Variants in CTIF observed in about 807,000 individuals in gnomAD.
CTIF encodes cap binding complex dependent translation initiation factor.
A neutral mutation model predicts 66.0 loss-of-function variants in CTIF; 21 were observed. The observed-to-expected ratio is 0.32, with a 90% CI of 0.23 to 0.46. The LOEUF (loss-of-function observed/expected upper bound fraction) is 0.46. Among genes scored for constraint, CTIF ranks in the 20% least tolerant of loss-of-function variants. CTIF has a pLI of 1.00. For synonymous variants in CTIF, 345 were observed against 326.4 expected, an observed-to-expected ratio of 1.06 and a Z score of -0.62; for missense variants, 739 against 812.7, an observed-to-expected ratio of 0.91 and a Z score of 1.10.
At chr18:48,783,542 C>T (rs1281282081) in intron 9 of CTIF, among the ~76,000 whole-genome samples, 2 of 152,176 alleles carry the variant, frequency 1.3e-5, no homozygotes, top group African/African-American at 4.8e-5. Flanking sequence ...CACTGAGGAG[C>T]CCGGGGATAA....
chr18:48,683,765 C>G (rs2091787906), intron 6 of CTIF, among the ~76,000 whole-genome samples: 1 of 152,128 alleles, frequency 6.6e-6, no homozygotes, highest in Non-Finnish European at 1.5e-5. Context: ...TGGAGTGTGT[C>G]TCTTTTGGAT....
intron 8 of CTIF, among the ~76,000 whole-genome samples, chr18:48,759,758 C>A (rs1288794086): frequency 6.6e-6 from 1 of 152,226 alleles, no homozygotes; most frequent in Non-Finnish European, 1.5e-5. Flanking sequence ...GACCACTGTT[C>A]CTGCCCTGGG....
chr18:48,576,939 G>T (rs186403983), intron 1 of CTIF, among the ~76,000 whole-genome samples: 1 of 152,300 alleles, frequency 6.6e-6, no homozygotes, highest in Non-Finnish European at 1.5e-5. Flanking sequence ...CTGCTTATGT[G>T]GAATATGTCC....
At chr18:48,817,485 AC>A in intron 10 of CTIF, 109 bp downstream of exon 10, 1 of 1,380,658 alleles carries the variant, frequency 7.2e-7, no homozygotes, top group South Asian at 1.4e-5. Flanking sequence ...TTAGAAAGGG[AC>A]CCATCCGGGC....
chr18:48,799,904 A>G (rs921183124), intron 9 of CTIF, among the ~76,000 whole-genome samples: 1 of 152,248 alleles, frequency 6.6e-6, no homozygotes, highest in Non-Finnish European at 1.5e-5. Flanking sequence ...TGAACGCATA[A>G]GCTTACAGGT....
intron 9 of CTIF, among the ~76,000 whole-genome samples, chr18:48,816,320 G>A (rs183119479): frequency 1.3e-3 from 205 of 152,342 alleles, no homozygotes; most frequent in Non-Finnish European, 2.6e-3. Context: ...ACAAGAGGTA[G>A]GGGAAATATC....
At chr18:48,772,692 T>C (rs560318821) in intron 9 of CTIF, among the ~76,000 whole-genome samples, 2 of 152,234 alleles carry the variant, frequency 1.3e-5, no homozygotes, top group Non-Finnish European at 2.9e-5. Context: ...TGACTAATAT[T>C]CCATTTTATG....
chr18:48,705,153 T>C (rs1456035283), intron 6 of CTIF, among the ~76,000 whole-genome samples: 1 of 152,220 alleles, frequency 6.6e-6, no homozygotes, highest in Admixed American at 6.5e-5. Context: ...GGGCACAGCC[T>C]GACCCATTGC....
chr18:48,729,935 T>A (rs1254442466), intron 7 of CTIF, among the ~76,000 whole-genome samples: 1 of 152,246 alleles, frequency 6.6e-6, no homozygotes, highest in East Asian at 1.9e-4. Flanking sequence ...TCCACCCAGA[T>A]GCCCTTCCCT....
intron 10 of CTIF, among the ~76,000 whole-genome samples, chr18:48,852,233 TAAAAAAAAAAAAAAA>T (rs10591389): frequency 4.5e-5 from 3 of 66,594 alleles, no homozygotes; most frequent in Admixed American, 2.4e-4. Flanking sequence ...GACCCTGTCT[TAAAAAAAAAAAAAAA>T]AAAAAAAAAA....
chr18:48,816,712 T>C (rs2068370986), intron 9 of CTIF, among the ~76,000 whole-genome samples: 1 of 152,230 alleles, frequency 6.6e-6, no homozygotes, highest in South Asian at 2.1e-4. Context: ...GGACGGGCTG[T>C]AGCTGTGTAG....
At chr18:48,852,981 C>T (rs1397009438) in intron 10 of CTIF, among the ~76,000 whole-genome samples, 1 of 152,080 alleles carries the variant, frequency 6.6e-6, no homozygotes, top group Non-Finnish European at 1.5e-5. Context: ...GGGTAGGTAA[C>T]CACATCCCCC....
At chr18:48,608,457 C>T (rs572860198) in intron 1 of CTIF, among the ~76,000 whole-genome samples, 11 of 151,154 alleles carry the variant, frequency 7.3e-5, no homozygotes, top group African/African-American at 2.7e-4. Flanking sequence ...GTGCTCCTTG[C>T]AGGACAAGGC....
chr18:48,828,872 C>G (rs1160027127), intron 10 of CTIF, among the ~76,000 whole-genome samples: 2 of 152,228 alleles, frequency 1.3e-5, no homozygotes, highest in African/African-American at 4.8e-5. Flanking sequence ...CCCCCAGCCC[C>G]GCCTTCGCAG....
At chr18:48,797,922 C>T (rs560413242) in intron 9 of CTIF, among the ~76,000 whole-genome samples, 109 of 152,290 alleles carry the variant, frequency 7.2e-4, no homozygotes, top group Non-Finnish European at 1.3e-3. Context: ...GCAGAGCCCT[C>T]GGTGGTGGGC....
intron 3 of CTIF, among the ~76,000 whole-genome samples, chr18:48,650,438 A>G (rs912358749): frequency 1.3e-5 from 2 of 152,192 alleles, no homozygotes; most frequent in African/African-American, 4.8e-5. Flanking sequence ...AAAAAAGAAT[A>G]AAAAGAAACA....
chr18:48,605,373 G>A (rs2144211491), intron 1 of CTIF, among the ~76,000 whole-genome samples: 1 of 152,294 alleles, frequency 6.6e-6, no homozygotes, highest in East Asian at 1.9e-4. Context: ...GGCTATGGGA[G>A]GCTCCTTTCT....
intron 10 of CTIF, among the ~76,000 whole-genome samples, chr18:48,839,501 C>G (rs1426768253): frequency 6.6e-6 from 1 of 152,324 alleles, no homozygotes; most frequent in East Asian, 1.9e-4. Flanking sequence ...ACCCCACATC[C>G]TCTTCTTTAA....
At chr18:48,776,615 C>T (rs1020031072) in intron 9 of CTIF, among the ~76,000 whole-genome samples, 7 of 152,262 alleles carry the variant, frequency 4.6e-5, no homozygotes, top group Admixed American at 3.9e-4. Context: ...CGGGTGTGGT[C>T]TGTGGGTCAG....
Sources: gnomAD v4.1 joint callset for allele counts (sites outside exome capture counted in the v4.1 genomes callset) on GRCh38, gnomAD v4.1.1 for gene constraint, MANE v1.5 for transcripts, NCBI Gene and HGNC (gene_info 2026-07-23, HGNC 2026-07-21) for gene names.